Variants in ATP8A1 observed in about 807,000 individuals in gnomAD.
ATP8A1 encodes the protein phospholipid-transporting ATPase IA.
ATP8A1 carries 90 observed loss-of-function variants against 177.7 expected under a neutral mutation model. The ratio of observed to expected loss-of-function variants is 0.51; its 90% CI spans 0.43 to 0.60. The LOEUF (loss-of-function observed/expected upper bound fraction) is 0.60. Among genes scored for constraint, ATP8A1 ranks in the 20% least tolerant of loss-of-function variants. The pLI is 0.00. For missense variants in ATP8A1, 1,072 were observed against 1,392.8 expected, an observed-to-expected ratio of 0.77 and a Z score of 3.67; for synonymous variants, 493 against 485.9, an observed-to-expected ratio of 1.01 and a Z score of -0.19.
At position 42,464,804 on chromosome 4, in the gene ATP8A1, A is replaced by G. The variant is rs759541344; in HGVS notation, c.2509-4T>C. 9 of 1,612,394 alleles carry G rather than the reference A, an allele frequency of 5.6e-6. No homozygotes were observed. The highest frequency in any genetic ancestry group is 7.6e-6 in the Non-Finnish European group (9 of 1,178,964). The stretch of plus-strand genomic sequence containing the variant: ...GTAAATTCTTCAAATATTTGAACTA[A>G]AACAAGAGTGGGAAAAAATTAGTAT... On this transcript the variant is annotated splice_region_variant and splice_polypyrimidine_tract_variant and intron_variant, in intron 26 of 36. Transcript: ENST00000381668.
intron 14 of ATP8A1, among the ~76,000 whole-genome samples, chr4:42,569,459 A>AT (rs1206160003): frequency 6.6e-6 from 1 of 152,196 alleles, no homozygotes; most frequent in Admixed American, 6.5e-5. Flanking sequence ...ACATTTACTG[A>AT]TTTTATTCAC....
chr4:42,443,612 A>G lies in ATP8A1; in HGVS notation c.3076T>C (p.Ser1026Pro), dbSNP rs746048297. The change falls in exon 33 of 37, where the codon TCA becomes CCA. Residue 1026 changes from serine to proline, a missense_variant. Transcript: ENST00000381668. ...ALWVVFFGIY[S>P]SLWPAIPMAP... is the part of the protein sequence containing the mutation. ...ATCGGAATGGCAGGCCACAGAGATG[A>G]GTAGATTCCAAAAAACACCACCCAG... is the stretch of plus-strand genomic sequence containing the variant. 1 of 1,552,714 alleles carries G rather than the reference A, an allele frequency of 6.4e-7. No individual in the cohort carries two copies. The highest frequency in any genetic ancestry group is 2.2e-5 in the East Asian group (1 of 44,586).
chr4:42,485,352 T>G, intron 25 of ATP8A1, 144 bp downstream of exon 25: 1 of 607,422 alleles, frequency 1.6e-6, no homozygotes, highest in Non-Finnish European at 2.6e-6. Context: ...CCATCCCAGT[T>G]TGTGAACCTC....
rs753385212 is a variant in ATP8A1, at chr4:42,624,623, A to G, written c.276T>C (p.Asp92=). Residue 92 remains aspartate (D), a synonymous_variant, in exon 4 of 37, where the codon GAT becomes GAC. Transcript: ENST00000381668. ...LFIALLQQIP[D]VSPTGRYTTL... is the part of the protein sequence containing the mutation. ...TTGTATAACGACCTGTTGGTGACAC[A>G]TCAGGTATTTGCTGTTTGGAAAAAA... 2.8e-6 allele frequency: 4 copies of G among 1,421,878 alleles called. No homozygotes were observed. The highest frequency in any genetic ancestry group is 3.7e-6 in the Non-Finnish European group (4 of 1,079,070). 88.1% of individuals were successfully genotyped at this position (1,421,878 alleles called of 1,614,324 possible). A position where few individuals can be genotyped will look rare whatever the true frequency, so the allele number is the denominator to read the frequency against.
rs57949092 is a variant in ATP8A1 at position 42,466,031 on chromosome 4, C to CAAAAAA, written c.2325-961_2325-956dup. Among the ~76,000 whole-genome samples, 79 of 108,084 alleles carry CAAAAAA rather than the reference C, an allele frequency of 7.3e-4. 2 individuals carry two copies. The highest frequency in any genetic ancestry group is 1.1e-3 in the Non-Finnish European group (62 of 56,566). 70.9% of individuals were successfully genotyped at this position (108,084 alleles called of 152,430 possible). On this transcript the variant is annotated intron_variant, in intron 25 of 36. Coordinates refer to ENST00000381668, the MANE Select transcript of ATP8A1 (RefSeq NM_006095.2). ...TGGGCGACAGAGCAAGACTCCGTCT[C>CAAAAAA]AAAAAAAAAAAAAAAAAAAAAAAAA...
intron 33 of ATP8A1, among the ~76,000 whole-genome samples, chr4:42,425,466 G>GT (rs557311235): frequency 8.8e-4 from 133 of 151,506 alleles, no homozygotes; most frequent in Middle Eastern, 6.8e-3. Flanking sequence ...AAGCCTGTCA[G>GT]TTTTTTTTTC....
chr4:42,584,474 G>A (rs867413179), intron 9 of ATP8A1, among the ~76,000 whole-genome samples: 1 of 152,158 alleles, frequency 6.6e-6, no homozygotes, highest in Admixed American at 6.5e-5. Flanking sequence ...CTTGCCAAAC[G>A]TAAATATGTT....
intron 35 of ATP8A1, among the ~76,000 whole-genome samples, chr4:42,417,107 C>T (rs1713327809): frequency 6.6e-6 from 1 of 152,080 alleles, no homozygotes. Context: ...AATATAAATG[C>T]CATTCACAGG....
chr4:42,537,146 A>AAAAAC (rs540584674), intron 20 of ATP8A1, among the ~76,000 whole-genome samples: 20 of 145,566 alleles, frequency 1.4e-4, no homozygotes, highest in Admixed American at 3.5e-4. Flanking sequence ...AAAAAAAAAA[A>AAAAAC]CAAAAAAACC....
intron 24 of ATP8A1, among the ~76,000 whole-genome samples, chr4:42,498,104 A>G (rs1450965924): frequency 2.0e-5 from 3 of 152,236 alleles, no homozygotes; most frequent in Admixed American, 2.0e-4. Context: ...ACTTGCCTAA[A>G]CTATTTTCAA....
chr4:42,636,151 C>CGCGCGCGCGTGCGT (rs1739337517), intron 1 of ATP8A1, among the ~76,000 whole-genome samples: 1 of 43,194 alleles, frequency 2.3e-5, no homozygotes, highest in African/African-American at 7.3e-5. Flanking sequence ...CACACACACA[C>CGCGCGCGCGTGCGT]ACACACGCAC....
rs182551410 is a variant in ATP8A1 at position 42,537,853 on chromosome 4, T to C, written c.1722+6064A>G. 3.9e-5 allele frequency among the ~76,000 whole-genome samples: 6 copies of C among 152,180 alleles called. No individual in the cohort carries two copies. In the East Asian group the frequency reaches 1.2e-3, roughly 29 times the overall value. On this transcript the variant is annotated intron_variant, in intron 20 of 36. Transcript: ENST00000381668. Reference sequence around the variant, plus strand: ...ATCCTGCTAAAAGCAATCTACAAATTCAATGCAATTTCCATCAAAATACCA... The same window carrying C: ...ATCCTGCTAAAAGCAATCTACAAATCCAATGCAATTTCCATCAAAATACCA...
At chr4:42,526,994 T>C (rs1726737999) in intron 20 of ATP8A1, among the ~76,000 whole-genome samples, 2 of 152,060 alleles carry the variant, frequency 1.3e-5, no homozygotes, top group Admixed American at 1.3e-4. Context: ...AGACAATGAG[T>C]TTAGTGACTC....
intron 2 of ATP8A1, chr4:42,625,914 GA>G (rs1738015184): frequency 5.3e-6 from 2 of 376,640 alleles, no homozygotes; most frequent in African/African-American, 2.1e-5. Context: ...GAATACCACA[GA>G]TTTTTTTTTT....
chr4:42,411,090 GATGTGTTGATTC>G lies in ATP8A1; in HGVS notation c.*1814_*1825del, dbSNP rs1411933085. 3 of 152,180 alleles carry G rather than the reference GATGTGTTGATTC, an allele frequency of 2.0e-5. No homozygotes were observed. The highest frequency in any genetic ancestry group is 4.4e-5 in the Non-Finnish European group (3 of 68,034). 9.4% of individuals were successfully genotyped at this position (152,180 alleles called of 1,614,324 possible). A position where few individuals can be genotyped will look rare whatever the true frequency, so the allele number is the denominator to read the frequency against. ...GACTCTTACACCTGTGGTCTTGCTA[GATGTGTTGATTC>G]ATGACTCTCTCAATCTGTACCCCAA... On this transcript the variant is annotated 3_prime_UTR_variant, in exon 37 of 37. Coordinates refer to ENST00000381668, the MANE Select transcript of ATP8A1 (RefSeq NM_006095.2).
At chr4:42,621,673 C>T (rs912449962) in intron 4 of ATP8A1, among the ~76,000 whole-genome samples, 2 of 152,038 alleles carry the variant, frequency 1.3e-5, no homozygotes, top group Non-Finnish European at 2.9e-5. Flanking sequence ...AATGCTATTC[C>T]CATTAAACTA....
At chr4:42,584,358 A>G (rs1733405928) in intron 9 of ATP8A1, among the ~76,000 whole-genome samples, 4 of 152,166 alleles carry the variant, frequency 2.6e-5, no homozygotes, top group African/African-American at 9.7e-5. Context: ...CTTTGCAACA[A>G]AACTCTTTGA....
At chr4:42,653,403 C>T (rs1396838831) in intron 1 of ATP8A1, among the ~76,000 whole-genome samples, 1 of 152,210 alleles carries the variant, frequency 6.6e-6, no homozygotes, top group African/African-American at 2.4e-5. Flanking sequence ...CTTCTGTTAA[C>T]TGATGTATCC....
intron 24 of ATP8A1, among the ~76,000 whole-genome samples, chr4:42,487,872 T>TC (rs1158169154): frequency 2.6e-5 from 4 of 152,162 alleles, no homozygotes; most frequent in African/African-American, 9.7e-5. Flanking sequence ...GTTGCCCTGT[T>TC]CCCCATTACA....
Sources: allele counts gnomAD v4.1 joint callset (sites outside exome capture counted in the v4.1 genomes callset), GRCh38; gene constraint gnomAD v4.1.1; transcripts MANE v1.5; gene names NCBI Gene and HGNC (gene_info 2026-07-23, HGNC 2026-07-21).